ACER3: variants seen among roughly 807,000 people sequenced by gnomAD.
ACER3 encodes the protein alkCDase 3.
ACER3 carries 16 observed loss-of-function variants against 48.9 expected under a neutral mutation model. The observed-to-expected ratio is 0.33, with a 90% CI of 0.22 to 0.50. ACER3 has a LOEUF of 0.50. Ranked by LOEUF, ACER3 falls within the 20% of genes least tolerant of loss-of-function variation. The pLI, the probability that ACER3 is intolerant of heterozygous loss-of-function variation, is 0.98. For missense variants in ACER3, 227 were observed against 326.0 expected (o/e 0.70, Z 2.34); for synonymous variants, 109 against 107.8 (o/e 1.01, Z -0.07).
intron 1 of ACER3, among the ~76,000 whole-genome samples, chr11:76,899,141 C>T (rs1161068917): frequency 6.6e-6 from 1 of 151,942 alleles, no homozygotes; most frequent in African/African-American, 2.4e-5. Context: ...AAAATGAGTT[C>T]CTTTTGTGGC....
At chr11:76,973,348 G>T (rs1948357913) in intron 3 of ACER3, among the ~76,000 whole-genome samples, 1 of 152,182 alleles carries the variant, frequency 6.6e-6, no homozygotes, top group Non-Finnish European at 1.5e-5. Flanking sequence ...CACTGCTTCA[G>T]CCTGGCCCTG....
chr11:76,893,684 A>T (rs1360560181), intron 1 of ACER3, among the ~76,000 whole-genome samples: 1 of 152,212 alleles, frequency 6.6e-6, no homozygotes, highest in African/African-American at 2.4e-5. Flanking sequence ...AATACTTCAT[A>T]GATTTGTTTT....
At position 76,860,972 on chromosome 11, in the gene ACER3, G is replaced by A. The variant is rs1944920608; in HGVS notation, c.-5G>A. On this transcript the variant is annotated 5_prime_UTR_variant, in exon 1 of 11. Transcript: ENST00000532485. ...GAGCGCCTGGGCGGCGGCGGCGGCGGCGTGATGGCTCCGGCCGCGGACCGA... is the reference window on the plus strand; with the variant it reads ...GAGCGCCTGGGCGGCGGCGGCGGCGACGTGATGGCTCCGGCCGCGGACCGA... 4 of 1,529,442 alleles carry A rather than the reference G, an allele frequency of 2.6e-6. No individual in the cohort carries two copies. In the East Asian group the frequency reaches 1.0e-4, roughly 39 times the overall value. 94.7% of individuals were successfully genotyped at this position (1,529,442 alleles called of 1,614,324 possible). A position where few individuals can be genotyped will look rare whatever the true frequency, so the allele number is the denominator to read the frequency against.
At chr11:76,912,548 T>C (rs923365202) in intron 1 of ACER3, among the ~76,000 whole-genome samples, 2 of 141,002 alleles carry the variant, frequency 1.4e-5, no homozygotes, top group East Asian at 2.1e-4. Context: ...TATTATGTGA[T>C]AATTTAAAAA....
intron 1 of ACER3, among the ~76,000 whole-genome samples, chr11:76,925,307 C>A (rs1946800475): frequency 6.6e-6 from 1 of 152,012 alleles, no homozygotes; most frequent in Non-Finnish European, 1.5e-5. Context: ...TATGGTTATT[C>A]ATTGCAGTAT....
intron 3 of ACER3, among the ~76,000 whole-genome samples, chr11:76,965,121 T>C (rs1948103945): frequency 1.3e-5 from 2 of 151,140 alleles, no homozygotes; most frequent in Non-Finnish European, 2.9e-5. Flanking sequence ...TTAAAGGACC[T>C]GATGGAGCTG....
chr11:76,913,898 A>G (rs1232324798), intron 1 of ACER3, among the ~76,000 whole-genome samples: 1 of 152,314 alleles, frequency 6.6e-6, no homozygotes, highest in East Asian at 1.9e-4. Flanking sequence ...AATACCACAC[A>G]TCTACAACCA....
chr11:76,969,298 C>T lies in ACER3; in HGVS notation c.268-6991C>T, dbSNP rs975033472. Among the ~76,000 whole-genome samples, 10 of 152,160 alleles carry T rather than the reference C, an allele frequency of 6.6e-5. No individual in the cohort carries two copies. The East Asian group carries it at 1.2e-3, about 18-fold the overall frequency. On this transcript the variant is annotated intron_variant, in intron 3 of 10. Coordinates refer to ENST00000532485, the MANE Select transcript of ACER3 (RefSeq NM_018367.7). ...ATCATTAAAAAGTCAGGAAACAACA[C>T]GTGCTGGAGAGGATGTGGAGAAATA...
intron 5 of ACER3, among the ~76,000 whole-genome samples, chr11:76,990,164 C>A (rs1258958610): frequency 6.6e-6 from 1 of 152,178 alleles, no homozygotes; most frequent in Non-Finnish European, 1.5e-5. Flanking sequence ...GAAATTTACT[C>A]CTATCTCTAA....
intron 8 of ACER3, 57 bp downstream of exon 8, chr11:77,015,174 G>A (rs1949344822): frequency 2.1e-6 from 2 of 959,128 alleles, no homozygotes; most frequent in South Asian, 1.4e-5. Flanking sequence ...ATTAAGTAGA[G>A]AATTTTATAA....
intron 4 of ACER3, among the ~76,000 whole-genome samples, chr11:76,983,480 TAATTTTTG>T (rs1278090636): frequency 1.3e-5 from 2 of 152,154 alleles, no homozygotes; most frequent in Admixed American, 1.3e-4. Context: ...CATGCCCAGC[TAATTTTTG>T]AATTTTTGTA....
At chr11:76,991,181 G>T (rs1349648985) in intron 6 of ACER3, among the ~76,000 whole-genome samples, 1 of 152,100 alleles carries the variant, frequency 6.6e-6, no homozygotes, top group Non-Finnish European at 1.5e-5. Flanking sequence ...AGGAAAATGA[G>T]CTCAGAAATA....
chr11:76,880,807 A>G (rs976041214), intron 1 of ACER3, among the ~76,000 whole-genome samples: 2 of 152,170 alleles, frequency 1.3e-5, no homozygotes, highest in African/African-American at 4.8e-5. Flanking sequence ...GGAGTTATAA[A>G]CCAGGAACTG....
chr11:76,963,173 A>G (rs754339202), intron 3 of ACER3, among the ~76,000 whole-genome samples: 1 of 151,290 alleles, frequency 6.6e-6, no homozygotes, highest in Non-Finnish European at 1.5e-5. Flanking sequence ...CCCTTTTCAG[A>G]CATGTACACA....
At chr11:76,884,685 T>C (rs1945628442) in intron 1 of ACER3, among the ~76,000 whole-genome samples, 1 of 152,228 alleles carries the variant, frequency 6.6e-6, no homozygotes, top group African/African-American at 2.4e-5. Context: ...TTAAGTATTT[T>C]GAGGCTATGT....
intron 1 of ACER3, among the ~76,000 whole-genome samples, chr11:76,901,875 T>C (rs1442657900): frequency 6.6e-6 from 1 of 152,174 alleles, no homozygotes; most frequent in Non-Finnish European, 1.5e-5. Flanking sequence ...GGCTGTCTGC[T>C]TGTGGATTTC....
chr11:76,962,022 A>T (rs1226570878), intron 3 of ACER3, among the ~76,000 whole-genome samples: 1 of 150,056 alleles, frequency 6.7e-6, no homozygotes, highest in African/African-American at 2.5e-5. Context: ...ACCCTGTCAA[A>T]TATCTTTATT....
At chr11:76,936,088 T>TA (rs1354252140) in intron 2 of ACER3, among the ~76,000 whole-genome samples, 3 of 152,204 alleles carry the variant, frequency 2.0e-5, no homozygotes, top group Non-Finnish European at 2.9e-5. Flanking sequence ...TTACTGGACT[T>TA]ACGGTTCCAC....
In ACER3 at chr11:76,948,211, C is replaced by CTGTGTATGTG. The variant is rs1427598124; in HGVS notation, c.215-10763_215-10762insATGTGTGTGT. ...TGCTGTAGCTCCATTCTGGCTCACT[C>CTGTGTATGTG]TGTGTGTGTGTGTGTGTGTGTGTGT... On this transcript the variant is annotated intron_variant, in intron 2 of 10. Transcript: ENST00000532485. Among the ~76,000 whole-genome samples the CTGTGTATGTG allele has an allele frequency of 1.3e-3, 178 of 135,764 alleles. 2 individuals carry two copies. The highest frequency in any genetic ancestry group is 4.6e-3 in the African/African-American group (170 of 37,134). 89.1% of individuals were successfully genotyped at this position (135,764 alleles called of 152,430 possible). A position where few individuals can be genotyped will look rare whatever the true frequency, so the allele number is the denominator to read the frequency against.
Sources: allele counts gnomAD v4.1 joint callset (sites outside exome capture counted in the v4.1 genomes callset), GRCh38; gene constraint gnomAD v4.1.1; transcripts MANE v1.5; gene names NCBI Gene and HGNC (gene_info 2026-07-23, HGNC 2026-07-21).